ZNF800: variants seen among roughly 807,000 people sequenced by gnomAD.
The protein encoded by ZNF800 is zinc finger protein 800.
Under a neutral mutation model 59.5 loss-of-function variants are expected in ZNF800, and 13 were observed. That is an observed-to-expected ratio of 0.22 (90% confidence interval 0.14 to 0.35). ZNF800 has a LOEUF of 0.35. Among genes scored for constraint, ZNF800 ranks in the 10% least tolerant of loss-of-function variants. The probability of loss-of-function intolerance (pLI) is 1.00; values close to 1 mark genes in which losing one functional copy is unlikely to be tolerated. For synonymous variants in ZNF800, 266 were observed against 265.7 expected, an observed-to-expected ratio of 1.00 and a Z score of -0.01; for missense variants, 621 against 783.7, an observed-to-expected ratio of 0.79 and a Z score of 2.48.
At chr7:127,354,728 A>G (rs17869260) in intron 1 of ZNF800, among the ~76,000 whole-genome samples, 1 of 152,062 alleles carries the variant, frequency 6.6e-6, no homozygotes, top group Non-Finnish European at 1.5e-5. Context: ...TCTTTAAGAG[A>G]TAGCTGGCTT....
intron 3 of ZNF800, among the ~76,000 whole-genome samples, chr7:127,384,846 C>A (rs1033216349): frequency 6.6e-6 from 1 of 151,996 alleles, no homozygotes; most frequent in Non-Finnish European, 1.5e-5. Context: ...ATCTGTTAGT[C>A]GAGGGCAATT....
intron 1 of ZNF800, chr7:127,360,466 T>G (rs1168522257): frequency 6.6e-6 from 1 of 152,140 alleles, no homozygotes; most frequent in African/African-American, 2.4e-5. Flanking sequence ...ATTTATATAT[T>G]TACATATAAT....
downstream of ZNF800, chr7:127,369,954 A>C (rs754224873): frequency 5.3e-5 from 8 of 152,172 alleles, no homozygotes; most frequent in Non-Finnish European, 8.8e-5. Flanking sequence ...AGGAATCCTC[A>C]TATCTTTTCA....
chr7:127,383,742 G>A (rs564447550), intron 3 of ZNF800, among the ~76,000 whole-genome samples: 1 of 152,282 alleles, frequency 6.6e-6, no homozygotes, highest in East Asian at 1.9e-4. Context: ...ACAGGATACA[G>A]TAATGAAGTA....
intron 2 of ZNF800, among the ~76,000 whole-genome samples, chr7:127,387,948 A>ACACT (rs1166771682): frequency 6.6e-6 from 1 of 151,030 alleles, no homozygotes; most frequent in Non-Finnish European, 1.5e-5. Context: ...ACACACACAC[A>ACACT]CACTCATTTT....
chr7:127,382,261 A>T (rs1352320720), intron 3 of ZNF800, among the ~76,000 whole-genome samples: 1 of 152,194 alleles, frequency 6.6e-6, no homozygotes, highest in African/African-American at 2.4e-5. Context: ...CTTTCTAACC[A>T]TAGGGGCATT....
Position 127,373,902 on chromosome 7 carries a change from T to C in ZNF800, c.1434A>G (p.Ser478=), listed in dbSNP as rs1245188791. The C allele has an allele frequency of 6.2e-7, 1 of 1,614,210 alleles. No individual in the cohort carries two copies. The highest frequency in any genetic ancestry group is 1.7e-5 in the Admixed American group (1 of 60,022). Reference sequence around the variant, plus strand: ...AAAGTTGCTTAAAGTCAAAGCCAGCTGAAAGTTTTGGTTTTCTGGTTTTTT... The same window carrying C: ...AAAGTTGCTTAAAGTCAAAGCCAGCCGAAAGTTTTGGTTTTCTGGTTTTTT... The part of the protein sequence containing the change: ...GQQKTRKPKL[S]AGFDFKQLYC... Residue 478 remains serine, a synonymous_variant, in exon 5 of 6, where the codon TCA becomes TCG. Transcript: ENST00000265827.
intron 1 of ZNF800, chr7:127,363,078 A>G (rs1800426978): frequency 6.6e-6 from 1 of 152,216 alleles, no homozygotes; most frequent in African/African-American, 2.4e-5. Flanking sequence ...TAGCATAGGT[A>G]ACCGGAAGGG....
intron 1 of ZNF800, among the ~76,000 whole-genome samples, chr7:127,358,422 T>A (rs1587425227): frequency 6.6e-6 from 1 of 152,028 alleles, no homozygotes; most frequent in East Asian, 1.9e-4. Context: ...CTTAATTGAT[T>A]TCCCTCACAC....
At chr7:127,360,191 T>C (rs952243674) in intron 1 of ZNF800, 2 of 152,120 alleles carry the variant, frequency 1.3e-5, no homozygotes, top group Admixed American at 6.6e-5. Flanking sequence ...GTACAAAATA[T>C]ATAGGAGCTT....
intron 1 of ZNF800, among the ~76,000 whole-genome samples, chr7:127,349,328 G>C (rs1800129806): frequency 6.6e-6 from 1 of 152,072 alleles, no homozygotes; most frequent in Non-Finnish European, 1.5e-5. Context: ...TAATACCTAG[G>C]GAGTCTGTTT....
rs990777989 is a variant in ZNF800, at chr7:127,377,852, G to C, written c.158-523C>G. On this transcript the variant is annotated intron_variant, in intron 3 of 5. Transcript: ENST00000265827. The surrounding 1 kb of genome is among the most constrained non-coding windows in gnomAD (Gnocchi z 4.7). ...AAAACTGTATTACAGGATTGCCTGT[G>C]ATTTTTCTCTTTAAATTCAGCTCAA... Among the ~76,000 whole-genome samples the C allele has an allele frequency of 3.9e-5, 6 of 151,984 alleles. No homozygotes were observed. The highest frequency in any genetic ancestry group is 1.4e-4 in the African/African-American group (6 of 41,414).
chr7:127,369,557 T>C (rs1216900152), downstream of ZNF800, among the ~76,000 whole-genome samples: 3 of 152,156 alleles, frequency 2.0e-5, no homozygotes, highest in Admixed American at 6.6e-5. Flanking sequence ...CTTTCTAAAC[T>C]GGTCCTAGTT....
At chr7:127,345,945 G>A (rs1800055925), downstream of ZNF800, among the ~76,000 whole-genome samples, 1 of 152,176 alleles carries the variant, frequency 6.6e-6, no homozygotes, top group Admixed American at 6.5e-5. Context: ...GTGTGGTTAA[G>A]ATGAAAGACA....
intron 1 of ZNF800, among the ~76,000 whole-genome samples, chr7:127,355,062 T>C (rs1214267548): frequency 2.0e-5 from 3 of 152,072 alleles, no homozygotes; most frequent in African/African-American, 4.8e-5. Context: ...TAAATGTAAG[T>C]ATAAAGAGGT....
intron 3 of ZNF800, among the ~76,000 whole-genome samples, chr7:127,381,059 C>T (rs1261441987): frequency 2.6e-5 from 4 of 152,170 alleles, no homozygotes; most frequent in South Asian, 2.1e-4. Context: ...TTCAATTTTA[C>T]ATTAGGTTGG....
chr7:127,391,659 G>T, intron 1 of ZNF800, 44 bp from the exon 2 acceptor site: 3 of 1,018,500 alleles, frequency 2.9e-6, no homozygotes, highest in South Asian at 1.3e-5. Flanking sequence ...TGAACTTCCT[G>T]GGGGGCACTG....
chr7:127,366,841 AACCTATGAAGGGG>A (rs1472267985), downstream of ZNF800, among the ~76,000 whole-genome samples: 1 of 152,144 alleles, frequency 6.6e-6, no homozygotes, highest in African/African-American at 2.4e-5. Flanking sequence ...ACTGGCCAGC[AACCTATGAAGGGG>A]ACTGACATGA....
chr7:127,376,521 C>A (rs1324629950), intron 4 of ZNF800, among the ~76,000 whole-genome samples: 1 of 151,886 alleles, frequency 6.6e-6, no homozygotes, highest in Non-Finnish European at 1.5e-5. Context: ...ACATTCTGTT[C>A]CAGAAAGACT....
Sources: allele counts gnomAD v4.1 joint callset (sites outside exome capture counted in the v4.1 genomes callset), GRCh38; gene constraint gnomAD v4.1.1; non-coding constraint Gnocchi (gnomAD v3.1); transcripts MANE v1.5; gene names NCBI Gene and HGNC (gene_info 2026-07-23, HGNC 2026-07-21).